The following MCMDC2 variants were observed in gnomAD, a reference collection of about 807,000 sequenced individuals.
The protein encoded by MCMDC2 is minichromosome maintenance domain-containing protein 2.
Under a neutral mutation model 75.8 loss-of-function variants are expected in MCMDC2, and 54 were observed. The ratio of observed to expected loss-of-function variants is 0.71; its 90% CI spans 0.57 to 0.89. The LOEUF is 0.89. Ranked by LOEUF, MCMDC2 falls within the 40% of genes least tolerant of loss-of-function variation. The pLI, the probability that MCMDC2 is intolerant of heterozygous loss-of-function variation, is 0.00. For synonymous variants in MCMDC2, 249 were observed against 274.6 expected (o/e 0.91, Z 0.92); for missense variants, 656 against 780.4 (o/e 0.84, Z 1.90).
At chr8:66,876,253 A>G (rs1030443437) in intron 4 of MCMDC2, among the ~76,000 whole-genome samples, 4 of 152,092 alleles carry the variant, frequency 2.6e-5, no homozygotes, top group Non-Finnish European at 4.4e-5. Context: ...TGTAAGAGTA[A>G]TTTTCTCTCA....
chr8:66,908,849 G>A (rs1813001268), intron 14 of MCMDC2, among the ~76,000 whole-genome samples: 1 of 152,208 alleles, frequency 6.6e-6, no homozygotes, highest in South Asian at 2.1e-4. Flanking sequence ...AAGACCTCAA[G>A]TGATCCACCT....
At chr8:66,905,009 A>G (rs1458789808) in intron 13 of MCMDC2, among the ~76,000 whole-genome samples, 1 of 152,204 alleles carries the variant, frequency 6.6e-6, no homozygotes, top group Non-Finnish European at 1.5e-5. Flanking sequence ...AATAAAAGCC[A>G]GGATGGAAAC....
chr8:66,926,010 G>A (rs1813705538), downstream of MCMDC2, among the ~76,000 whole-genome samples: 1 of 152,052 alleles, frequency 6.6e-6, no homozygotes, highest in African/African-American at 2.4e-5. Context: ...TTGGCCGATT[G>A]TGGTGACGCG....
chr8:66,874,689 C>CT (rs1157523761), intron 4 of MCMDC2, 103 bp downstream of exon 4: 44 of 1,037,052 alleles, frequency 4.2e-5, no homozygotes, highest in East Asian at 4.2e-4. Context: ...AAGGATACTA[C>CT]TTTTTTTCAA....
downstream of MCMDC2, chr8:66,922,845 A>C: frequency 5.0e-6 from 1 of 201,328 alleles, no homozygotes; most frequent in Non-Finnish European, 1.0e-5. Flanking sequence ...CTTGCAACCT[A>C]CCTTTCAGAC....
chr8:66,880,484 A>G (rs1811507770), intron 7 of MCMDC2, among the ~76,000 whole-genome samples: 1 of 152,230 alleles, frequency 6.6e-6, no homozygotes, highest in South Asian at 2.1e-4. Flanking sequence ...TTCCTCTCAA[A>G]TAAAATTATC....
In MCMDC2 at chr8:66,914,865, T is replaced by G. The variant is rs933306974; in HGVS notation, c.1880-4138T>G. Among the ~76,000 whole-genome samples, 9 of 152,082 alleles carry G rather than the reference T, an allele frequency of 5.9e-5. No individual in the cohort carries two copies. In the East Asian group the frequency reaches 1.7e-3, roughly 29 times the overall value. On this transcript the variant is annotated intron_variant, in intron 14 of 14. Coordinates refer to ENST00000422365, the MANE Select transcript of MCMDC2 (RefSeq NM_173518.5). ...TGCACAAACCAATAGGTTGTGCTCA[T>G]GAACTAGATTTAAGAGTTGGGGGCA...
At position 66,875,548 on chromosome 8, in the gene MCMDC2, G is replaced by T. The variant is rs190659759; in HGVS notation, c.285+962G>T. ...CCCGCCTCGGCCTCCCAAAGTGCTG[G>T]GATTACAGGTGTGAGCTACTGTGCC... is the stretch of plus-strand genomic sequence containing the variant. On this transcript the variant is annotated intron_variant, in intron 4 of 14. Transcript: ENST00000422365. 2.0e-5 allele frequency among the ~76,000 whole-genome samples: 3 copies of T among 152,252 alleles called. No individual in the cohort carries two copies. In the East Asian group the frequency reaches 5.8e-4, roughly 29 times the overall value.
chr8:66,882,220 T>A (rs1378201773), intron 8 of MCMDC2, among the ~76,000 whole-genome samples: 1 of 152,220 alleles, frequency 6.6e-6, no homozygotes, highest in Non-Finnish European at 1.5e-5. Flanking sequence ...TTTATCAAGG[T>A]TGATTGATCT....
At position 66,902,714 on chromosome 8, in the gene MCMDC2, ATATATATATATATATAT is replaced by A. The variant is rs1812748197; in HGVS notation, c.1769+1367_1769+1383del. ...TCTCAAAAAAAAAAAAAAAAAAAATATATATATATATATATATATATATATATACATATATCTTTTCA... is the reference window on the plus strand; with the variant it reads ...TCTCAAAAAAAAAAAAAAAAAAAATAATATATATATACATATATCTTTTCA... On this transcript the variant is annotated intron_variant, in intron 13 of 14. Transcript: ENST00000422365. Among the ~76,000 whole-genome samples, 3 of 102,094 alleles carry A rather than the reference ATATATATATATATATAT, an allele frequency of 2.9e-5. No homozygotes were observed. The East Asian group carries it at 8.6e-4, about 29-fold the overall frequency. The allele number at this position is 102,094 out of a possible 152,430, so 67.0% of individuals were successfully genotyped here. A position where few individuals can be genotyped will look rare whatever the true frequency, so the allele number is the denominator to read the frequency against.
downstream of MCMDC2, among the ~76,000 whole-genome samples, chr8:66,923,563 G>A (rs1305388251): frequency 6.6e-6 from 1 of 151,998 alleles, no homozygotes; most frequent in African/African-American, 2.4e-5. Context: ...TGATTCACAG[G>A]AACTACAGAC....
At chr8:66,879,262 C>A (rs1361431737) in intron 7 of MCMDC2, among the ~76,000 whole-genome samples, 2 of 151,698 alleles carry the variant, frequency 1.3e-5, no homozygotes, top group African/African-American at 4.8e-5. Flanking sequence ...CAGAGAGACA[C>A]CCTGTCTCAA....
intron 14 of MCMDC2, among the ~76,000 whole-genome samples, chr8:66,914,950 G>A (rs1813249382): frequency 6.6e-6 from 1 of 152,148 alleles, no homozygotes; most frequent in African/African-American, 2.4e-5. Context: ...TTGAGTAGCT[G>A]GGTGGATAAT....
intron 10 of MCMDC2, among the ~76,000 whole-genome samples, chr8:66,893,247 A>C (rs1304516122): frequency 6.6e-6 from 1 of 152,178 alleles, no homozygotes; most frequent in Non-Finnish European, 1.5e-5. Context: ...AGTGGCTCAC[A>C]CCTGGAATCC....
intron 14 of MCMDC2, among the ~76,000 whole-genome samples, chr8:66,918,273 A>G (rs1339782420): frequency 6.6e-6 from 1 of 150,480 alleles, no homozygotes; most frequent in Admixed American, 6.7e-5. Context: ...AGACCCCTTT[A>G]TCAGAGATTT....
chr8:66,916,040 G>A (rs1233835818), intron 14 of MCMDC2, among the ~76,000 whole-genome samples: 1 of 152,154 alleles, frequency 6.6e-6, no homozygotes, highest in Non-Finnish European at 1.5e-5. Flanking sequence ...AGTGGCGTGG[G>A]AATGGAGATG....
intron 13 of MCMDC2, 25 bp from the exon 14 acceptor site, chr8:66,905,201 C>T: frequency 7.2e-7 from 1 of 1,380,530 alleles, no homozygotes; most frequent in Non-Finnish European, 9.4e-7. Context: ...AACATATTTT[C>T]TTTGGCAACT....
intron 5 of MCMDC2, among the ~76,000 whole-genome samples, chr8:66,877,914 A>G (rs1279486952): frequency 3.3e-5 from 5 of 151,938 alleles, no homozygotes; most frequent in African/African-American, 1.2e-4. Flanking sequence ...ATCCTAAATC[A>G]TATTTACAAT....
chr8:66,884,080 TA>T, intron 9 of MCMDC2, 86 bp downstream of exon 9: 3 of 854,684 alleles, frequency 3.5e-6, no homozygotes, highest in Non-Finnish European at 5.6e-6. Flanking sequence ...ACAAGAAGAA[TA>T]TTTAGAATTT....
Sources: gnomAD v4.1 joint callset for allele counts (sites outside exome capture counted in the v4.1 genomes callset) on GRCh38, gnomAD v4.1.1 for gene constraint, MANE v1.5 for transcripts, NCBI Gene and HGNC (gene_info 2026-07-23, HGNC 2026-07-21) for gene names.